UPF2: variants seen among roughly 807,000 people sequenced by gnomAD.
The protein encoded by UPF2 is UPF2 regulator of nonsense mediated mRNA decay.
Under a neutral mutation model 141.4 loss-of-function variants are expected in UPF2, and 17 were observed. The ratio of observed to expected loss-of-function variants is 0.12; its 90% CI spans 0.08 to 0.18. UPF2 has a LOEUF of 0.18. Ranked by LOEUF, UPF2 falls within the 10% of genes least tolerant of loss-of-function variation. The pLI is 1.00. For synonymous variants in UPF2, 540 were observed against 498.0 expected (o/e 1.08, Z -1.12); for missense variants, 1,152 against 1,515.9 (o/e 0.76, Z 3.99).
Position 12,018,224 on chromosome 10 carries a change from G to A in UPF2, c.1146-4040C>T, listed in dbSNP as rs367965793. On this transcript the variant is annotated intron_variant, in intron 3 of 21. Coordinates refer to ENST00000357604, the MANE Select transcript of UPF2 (RefSeq NM_015542.4). ...GCACTTTGGGAGGCCAAGGAGGGCC[G>A]ATTGCTTGAGCCAACAAGTCCGAGA... 1.9e-4 allele frequency among the ~76,000 whole-genome samples: 29 copies of A among 152,264 alleles called. 1 individual carries two copies. Among genetic ancestry groups the A allele is most frequent in the East Asian group, 1.5e-3 (8 of 5,182 alleles).
At chr10:11,951,156 G>A (rs748773600) in intron 15 of UPF2, among the ~76,000 whole-genome samples, 7 of 152,054 alleles carry the variant, frequency 4.6e-5, no homozygotes, top group East Asian at 1.9e-4. Context: ...TCCGTCTCCC[G>A]GGTTCAAGCG....
chr10:11,999,532 A>AAC (rs1354422011), intron 7 of UPF2, among the ~76,000 whole-genome samples: 6,771 of 114,464 alleles, frequency 0.059, 257 homozygotes, highest in Non-Finnish European at 0.087. Context: ...AAAAAAAAAA[A>AAC]ACACACACAA....
intron 8 of UPF2, among the ~76,000 whole-genome samples, chr10:11,990,678 CAAA>C (rs10650923): frequency 4.1e-5 from 4 of 97,988 alleles, no homozygotes; most frequent in Admixed American, 1.1e-4. Context: ...GACTCTGTCT[CAAA>C]AAAAAAAAAA....
In UPF2 at chr10:12,028,768, G is replaced by C; in HGVS notation, c.1122C>G (p.Leu374=). 2 of 1,603,112 alleles carry C rather than the reference G, an allele frequency of 1.2e-6. No homozygotes were observed. The highest frequency in any genetic ancestry group is 1.7e-6 in the Non-Finnish European group (2 of 1,176,124). Residue 374 remains leucine (L), a synonymous_variant, in exon 3 of 22, where the codon CTC becomes CTG. Transcript: ENST00000357604. ...TKHLKRDHRE[L]QNTERQNRRI... Reference sequence around the variant, plus strand: ...ACCTGTTTTGTCTCTCAGTATTCTGGAGCTCCCTGTGGTCCCTTTTCAGGT... The same window carrying C: ...ACCTGTTTTGTCTCTCAGTATTCTGCAGCTCCCTGTGGTCCCTTTTCAGGT...
chr10:11,941,387 A>G (rs2131169147), intron 18 of UPF2, among the ~76,000 whole-genome samples: 1 of 152,338 alleles, frequency 6.6e-6, no homozygotes, highest in South Asian at 2.1e-4. Flanking sequence ...TTCTGGATAT[A>G]TGAAGACATG....
At chr10:11,928,107 G>A (rs1339226461) in intron 21 of UPF2, among the ~76,000 whole-genome samples, 1 of 152,136 alleles carries the variant, frequency 6.6e-6, no homozygotes, top group African/African-American at 2.4e-5. Flanking sequence ...TAATTGAGGT[G>A]GGTGGACCAC....
intron 4 of UPF2, among the ~76,000 whole-genome samples, chr10:12,006,263 T>A (rs1267533514): frequency 2.6e-5 from 4 of 152,198 alleles, no homozygotes; most frequent in Admixed American, 2.6e-4. Flanking sequence ...GATCTCTTAT[T>A]AGAGAATGGA....
chr10:11,983,012 A>G (rs1833624563), intron 8 of UPF2, among the ~76,000 whole-genome samples: 1 of 152,192 alleles, frequency 6.6e-6, no homozygotes. Context: ...CCTACCCACC[A>G]AAATTGTTCA....
chr10:11,964,199 T>A, intron 10 of UPF2, 74 bp from the exon 11 acceptor site: 1 of 1,082,990 alleles, frequency 9.2e-7, no homozygotes, highest in Non-Finnish European at 1.3e-6. Context: ...ATCATACATC[T>A]AATGTGTGTA....
intron 8 of UPF2, among the ~76,000 whole-genome samples, chr10:11,987,789 A>AG (rs1833717517): frequency 7.1e-6 from 1 of 141,368 alleles, no homozygotes; most frequent in Non-Finnish European, 1.5e-5. Flanking sequence ...AAAAAAAAAA[A>AG]GGCTAAAGGA....
chr10:12,012,317 C>T (rs973532090), intron 4 of UPF2, among the ~76,000 whole-genome samples: 4 of 152,036 alleles, frequency 2.6e-5, no homozygotes, highest in African/African-American at 9.7e-5. Context: ...CTGCCCTGGC[C>T]TCCCAAAGTG....
intron 16 of UPF2, among the ~76,000 whole-genome samples, chr10:11,944,950 C>T (rs1055249339): frequency 3.9e-5 from 6 of 152,200 alleles, no homozygotes; most frequent in African/African-American, 1.2e-4. Context: ...TGATCTTGGG[C>T]AAATTATTCA....
At chr10:12,026,646 C>CTT (rs760035093) in intron 3 of UPF2, 6,952 of 379,476 alleles carry the variant, frequency 0.018, 3 homozygotes, top group East Asian at 0.034. Flanking sequence ...TTCCTATAAA[C>CTT]TTTTTTTTTT....
intron 3 of UPF2, among the ~76,000 whole-genome samples, chr10:12,018,783 G>C (rs139092646): frequency 5.9e-5 from 9 of 152,050 alleles, no homozygotes; most frequent in African/African-American, 1.9e-4. Flanking sequence ...ATAAACCCAA[G>C]GATCCTTTAG....
intron 10 of UPF2, among the ~76,000 whole-genome samples, chr10:11,965,391 T>C (rs371762902): frequency 6.6e-6 from 1 of 152,248 alleles, no homozygotes; most frequent in African/African-American, 2.4e-5. Context: ...ATCAGTATAC[T>C]AGTTTCCAGA....
chr10:12,019,791 T>C lies in UPF2; in HGVS notation c.1146-5607A>G, dbSNP rs1834286303. Among the ~76,000 whole-genome samples, 1 of 152,172 alleles carries C rather than the reference T, an allele frequency of 6.6e-6. No homozygotes were observed. Among genetic ancestry groups the C allele is most frequent in the South Asian group, 2.1e-4 (1 of 4,832 alleles). On this transcript the variant is annotated intron_variant, in intron 3 of 21. Transcript: ENST00000357604. This position sits in a 1 kb window ranked among gnomAD's most constrained non-coding sequence, Gnocchi z 4.5. ...CAGGCTGGAGTGTAGTGGTGCAATC[T>C]GAGCTCACTGCAACCTCCGCCTCCT... is the stretch of plus-strand genomic sequence containing the variant.
At position 12,016,212 on chromosome 10, in the gene UPF2, A is replaced by G. The variant is rs1834217081; in HGVS notation, c.1146-2028T>C. 6.6e-6 allele frequency among the ~76,000 whole-genome samples: 1 copy of G among 152,128 alleles called. No homozygotes were observed. The highest frequency in any genetic ancestry group is 1.5e-5 in the Non-Finnish European group (1 of 68,014). On this transcript the variant is annotated intron_variant, in intron 3 of 21. Coordinates refer to ENST00000357604, the MANE Select transcript of UPF2 (RefSeq NM_015542.4). The surrounding 1 kb of genome is among the most constrained non-coding windows in gnomAD (Gnocchi z 4.1). ...ATTTTGGAAGTGAAAAGTCATTTAA[A>G]AAAAATTTTTTTTAATTTACTTTTA... is the stretch of plus-strand genomic sequence containing the variant.
chr10:12,013,029 G>C (rs371277059), intron 4 of UPF2, among the ~76,000 whole-genome samples: 4 of 150,590 alleles, frequency 2.7e-5, no homozygotes, highest in Non-Finnish European at 5.9e-5. Context: ...GGAGACTGAC[G>C]CAGGAGACTC....
intron 3 of UPF2, among the ~76,000 whole-genome samples, chr10:12,024,568 C>T (rs1345934663): frequency 6.6e-6 from 1 of 151,932 alleles, no homozygotes; most frequent in East Asian, 1.9e-4. Flanking sequence ...CAAGATCACG[C>T]CACTGTACTC....
Sources: allele counts gnomAD v4.1 joint callset (sites outside exome capture counted in the v4.1 genomes callset), GRCh38; gene constraint gnomAD v4.1.1; non-coding constraint Gnocchi (gnomAD v3.1); transcripts MANE v1.5; gene names NCBI Gene and HGNC (gene_info 2026-07-23, HGNC 2026-07-21).